CRPPA: variants seen among roughly 807,000 people sequenced by gnomAD.
The protein encoded by CRPPA is CDP-L-ribitol pyrophosphorylase A.
Under a neutral mutation model 52.0 loss-of-function variants are expected in CRPPA, and 43 were observed. The ratio of observed to expected loss-of-function variants is 0.83; its 90% CI spans 0.65 to 1.07. CRPPA has a LOEUF of 1.07. Among genes scored for constraint, CRPPA ranks in the 50% least tolerant of loss-of-function variants. The pLI, the probability that CRPPA is intolerant of heterozygous loss-of-function variation, is 0.00. For missense variants in CRPPA, 629 were observed against 551.7 expected (o/e 1.14, Z -1.40); for synonymous variants, 250 against 203.5 (o/e 1.23, Z -1.94).
intron 9 of CRPPA, among the ~76,000 whole-genome samples, chr7:16,162,731 T>C (rs1780932968): frequency 6.6e-6 from 1 of 152,142 alleles, no homozygotes; most frequent in African/African-American, 2.4e-5. Flanking sequence ...CTGAATATCC[T>C]TGTTAATTTT....
At chr7:16,140,042 C>T (rs1000659031) in intron 9 of CRPPA, among the ~76,000 whole-genome samples, 3 of 151,846 alleles carry the variant, frequency 2.0e-5, no homozygotes, top group African/African-American at 4.8e-5. Flanking sequence ...TAAAATTATT[C>T]TTTTTGATTA....
At chr7:16,289,093 T>C (rs1784507576) in intron 5 of CRPPA, among the ~76,000 whole-genome samples, 1 of 152,000 alleles carries the variant, frequency 6.6e-6, no homozygotes, top group Non-Finnish European at 1.5e-5. Flanking sequence ...GCTGATAAAT[T>C]GGAACACTTA....
chr7:16,212,169 A>G (rs1236637395), intron 9 of CRPPA, among the ~76,000 whole-genome samples: 3 of 152,124 alleles, frequency 2.0e-5, no homozygotes, highest in Non-Finnish European at 2.9e-5. Flanking sequence ...GCTAAGGGAG[A>G]GGGTAAGAGA....
intron 5 of CRPPA, among the ~76,000 whole-genome samples, chr7:16,300,926 A>G (rs1279358064): frequency 6.6e-6 from 1 of 152,222 alleles, no homozygotes; most frequent in Non-Finnish European, 1.5e-5. Context: ...TATCACACAT[A>G]TGATATCTAC....
chr7:16,400,047 A>G (rs1487394015), intron 2 of CRPPA, among the ~76,000 whole-genome samples: 1 of 152,146 alleles, frequency 6.6e-6, no homozygotes, highest in Non-Finnish European at 1.5e-5. Context: ...ACGAATACAC[A>G]ACACGTGATT....
intron 5 of CRPPA, among the ~76,000 whole-genome samples, chr7:16,288,579 C>T (rs1340933454): frequency 2.6e-5 from 4 of 152,008 alleles, no homozygotes; most frequent in African/African-American, 4.8e-5. Flanking sequence ...GGCACAGTGG[C>T]TCACACCTGT....
chr7:16,149,720 T>G (rs1182767114), intron 9 of CRPPA, among the ~76,000 whole-genome samples: 8 of 152,200 alleles, frequency 5.3e-5, no homozygotes, highest in Admixed American at 5.2e-4. Flanking sequence ...GAGCGGGGGC[T>G]CACGCCTGTA....
chr7:16,258,292 G>T, intron 8 of CRPPA, 98 bp downstream of exon 8: 1 of 705,028 alleles, frequency 1.4e-6, no homozygotes. Context: ...TTGAGTATGG[G>T]TCAATGCTCT....
At chr7:16,302,509 T>C (rs1387196161) in intron 4 of CRPPA, among the ~76,000 whole-genome samples, 3 of 152,060 alleles carry the variant, frequency 2.0e-5, no homozygotes, top group African/African-American at 7.2e-5. Flanking sequence ...AATGACACAG[T>C]ATAAATAAGC....
At chr7:16,398,000 T>C (rs1228793710) in intron 2 of CRPPA, among the ~76,000 whole-genome samples, 4 of 152,196 alleles carry the variant, frequency 2.6e-5, no homozygotes, top group Non-Finnish European at 4.4e-5. Context: ...AACCAACATG[T>C]GACTGATGTG....
At chr7:16,286,096 AAAT>A (rs1214959488) in intron 5 of CRPPA, among the ~76,000 whole-genome samples, 3 of 53,102 alleles carry the variant, frequency 5.6e-5, no homozygotes, top group South Asian at 4.2e-4. Flanking sequence ...TTAAAAAAAA[AAAT>A]ATATATATAT....
intron 3 of CRPPA, among the ~76,000 whole-genome samples, chr7:16,310,404 C>G (rs963722735): frequency 6.6e-6 from 1 of 152,130 alleles, no homozygotes; most frequent in African/African-American, 2.4e-5. Flanking sequence ...TCTAACCAGT[C>G]CCCAGCTAAA....
At chr7:16,148,854 G>A (rs1037328926) in intron 9 of CRPPA, among the ~76,000 whole-genome samples, 3 of 152,092 alleles carry the variant, frequency 2.0e-5, no homozygotes, top group African/African-American at 4.8e-5. Context: ...AAAAGGCTGA[G>A]CTGATGGATA....
At chr7:16,372,713 T>A (rs892884019) in intron 3 of CRPPA, among the ~76,000 whole-genome samples, 4 of 152,166 alleles carry the variant, frequency 2.6e-5, no homozygotes, top group Non-Finnish European at 5.9e-5. Flanking sequence ...TGAATGTAAA[T>A]GGCCTATATG....
chr7:16,379,619 T>G (rs1257793548), intron 2 of CRPPA, among the ~76,000 whole-genome samples: 9 of 152,232 alleles, frequency 5.9e-5, no homozygotes, highest in Non-Finnish European at 1.2e-4. Context: ...CTCCTACCCA[T>G]GAGCATGGAA....
chr7:16,130,975 A>G (rs908116896), intron 9 of CRPPA, among the ~76,000 whole-genome samples: 2 of 152,192 alleles, frequency 1.3e-5, no homozygotes, highest in Admixed American at 1.3e-4. Context: ...GAAGATGACC[A>G]TGTATGAACC....
chr7:16,144,691 T>C (rs1782938587), intron 9 of CRPPA, among the ~76,000 whole-genome samples: 1 of 152,144 alleles, frequency 6.6e-6, no homozygotes, highest in Admixed American at 6.5e-5. Flanking sequence ...TCCCCACAAA[T>C]TGTGTTTGCT....
At chr7:16,206,907 A>C (rs1046613360) in intron 9 of CRPPA, among the ~76,000 whole-genome samples, 1 of 152,140 alleles carries the variant, frequency 6.6e-6, no homozygotes, top group African/African-American at 2.4e-5. Flanking sequence ...AGGAAGTTTG[A>C]ATCTTAATTA....
intron 2 of CRPPA, among the ~76,000 whole-genome samples, chr7:16,395,193 T>C (rs1309754449): frequency 1.3e-5 from 2 of 152,156 alleles, no homozygotes; most frequent in South Asian, 4.1e-4. Flanking sequence ...GCCTCAGTGA[T>C]TACTTGTCTC....
Sources: allele counts gnomAD v4.1 joint callset (sites outside exome capture counted in the v4.1 genomes callset), GRCh38; gene constraint gnomAD v4.1.1; transcripts MANE v1.5; gene names NCBI Gene and HGNC (gene_info 2026-07-23, HGNC 2026-07-21).